The following RANBP10 variants were observed in gnomAD, a reference collection of about 807,000 sequenced individuals.
The protein encoded by RANBP10 is ran-binding protein 10.
In RANBP10, 24 loss-of-function variants were observed where a neutral mutation model predicts 72.8. That is an observed-to-expected ratio of 0.33 (90% CI 0.24 to 0.46). The LOEUF is 0.46. RANBP10 is among the 20% of genes least tolerant of loss of function. The pLI is 1.00. For synonymous variants in RANBP10, 310 were observed against 322.3 expected (o/e 0.96, Z 0.41); for missense variants, 679 against 817.5 (o/e 0.83, Z 2.07).
chr16:67,742,824 A>T (rs1039308611), intron 4 of RANBP10, among the ~76,000 whole-genome samples: 1 of 152,230 alleles, frequency 6.6e-6, no homozygotes. Context: ...AGCAGAACCC[A>T]GAGCCAAGAA....
At chr16:67,792,978 T>C (rs2055056596) in intron 2 of RANBP10, among the ~76,000 whole-genome samples, 1 of 151,890 alleles carries the variant, frequency 6.6e-6, no homozygotes, top group African/African-American at 2.4e-5. Flanking sequence ...AGGTTACACA[T>C]CCTTGGTTCT....
At chr16:67,757,017 C>T (rs2054298153) in intron 3 of RANBP10, among the ~76,000 whole-genome samples, 1 of 152,134 alleles carries the variant, frequency 6.6e-6, no homozygotes, top group Non-Finnish European at 1.5e-5. Context: ...CCACCCTGAC[C>T]AACATAGAGA....
At chr16:67,737,587 G>A (rs2053879221) in intron 5 of RANBP10, among the ~76,000 whole-genome samples, 1 of 152,032 alleles carries the variant, frequency 6.6e-6, no homozygotes, top group Non-Finnish European at 1.5e-5. Context: ...TAGCAGATGA[G>A]TTCCCCTAGG....
At chr16:67,783,901 G>A (rs367810094) in intron 2 of RANBP10, among the ~76,000 whole-genome samples, 36 of 151,980 alleles carry the variant, frequency 2.4e-4, no homozygotes, top group Non-Finnish European at 4.0e-4. Context: ...AAAATTAGCC[G>A]GGCGTGCTGA....
chr16:67,762,199 A>C (rs1367425013), intron 3 of RANBP10, among the ~76,000 whole-genome samples: 1 of 152,208 alleles, frequency 6.6e-6, no homozygotes, highest in Non-Finnish European at 1.5e-5. Flanking sequence ...CAGGAGTCTG[A>C]GGTTACAAGG....
At chr16:67,734,763 G>A (rs1020913679) in intron 6 of RANBP10, 95 bp downstream of exon 6, 57 of 1,266,552 alleles carry the variant, frequency 4.5e-5, no homozygotes, top group Non-Finnish European at 5.3e-5. Flanking sequence ...CCACCCGCTG[G>A]AATTTGTAAG....
intron 2 of RANBP10, among the ~76,000 whole-genome samples, chr16:67,786,547 T>G (rs189723260): frequency 1.2e-4 from 19 of 152,222 alleles, no homozygotes; most frequent in Admixed American, 4.6e-4. Context: ...AATAAGCACA[T>G]AACAAGATCC....
rs142178805 is a variant in RANBP10 at position 67,771,491 on chromosome 16, G to T, written c.400+543C>A. 2.0e-5 allele frequency among the ~76,000 whole-genome samples: 3 copies of T among 152,000 alleles called. No individual in the cohort carries two copies. The South Asian group carries it at 6.2e-4, about 32-fold the overall frequency. ...CTCCCAAGTAGCTGAGACTACAGGT[G>T]TGTGCCACCACACCCGACTAATTTT... On this transcript the variant is annotated intron_variant, in intron 3 of 13. Transcript: ENST00000317506.
At position 67,728,374 on chromosome 16, in the gene RANBP10, G is replaced by A. The variant is rs373133717; in HGVS notation, c.1474+16C>T. ...CACTGCCCTCAAAGAATAGCACACC[G>A]GGCCGTGGCTCTCACCCATGCTGGA... is the stretch of plus-strand genomic sequence containing the variant. On this transcript the variant is annotated intron_variant, in intron 11 of 13. Transcript: ENST00000317506. 21 of 1,612,394 alleles carry A rather than the reference G, an allele frequency of 1.3e-5. No individual in the cohort carries two copies. The highest frequency in any genetic ancestry group is 1.6e-4 in the Middle Eastern group (1 of 6,082).
At chr16:67,737,345 C>T (rs113929595) in intron 5 of RANBP10, among the ~76,000 whole-genome samples, 108 of 151,924 alleles carry the variant, frequency 7.1e-4, no homozygotes, top group Non-Finnish European at 1.0e-3. Flanking sequence ...GGACTACAGG[C>T]GCCTGCAACC....
chr16:67,803,045 G>A (rs544503028), intron 2 of RANBP10, among the ~76,000 whole-genome samples: 3 of 152,290 alleles, frequency 2.0e-5, no homozygotes, highest in East Asian at 3.9e-4. Flanking sequence ...GGCAGTATGA[G>A]ACTCCAGCAC....
intron 3 of RANBP10, among the ~76,000 whole-genome samples, chr16:67,755,221 C>T (rs1399862245): frequency 1.3e-5 from 2 of 152,166 alleles, no homozygotes; most frequent in African/African-American, 4.8e-5. Context: ...ACTGGACAAC[C>T]CTTTTCCCAC....
chr16:67,790,672 A>G (rs1230597974), intron 2 of RANBP10, among the ~76,000 whole-genome samples: 1 of 151,536 alleles, frequency 6.6e-6, no homozygotes, highest in African/African-American at 2.4e-5. Context: ...GTGAAGAAGG[A>G]CCCAACTGTT....
intron 2 of RANBP10, among the ~76,000 whole-genome samples, chr16:67,780,568 C>G (rs886949161): frequency 1.3e-5 from 2 of 152,074 alleles, no homozygotes; most frequent in African/African-American, 4.8e-5. Context: ...GACAACATAA[C>G]AAGACCACCT....
At chr16:67,797,154 T>C (rs1305640197) in intron 2 of RANBP10, among the ~76,000 whole-genome samples, 2 of 152,110 alleles carry the variant, frequency 1.3e-5, no homozygotes, top group Admixed American at 1.3e-4. Flanking sequence ...GGAATCTCCC[T>C]TACACCATGA....
chr16:67,756,789 A>G (rs1025898942), intron 3 of RANBP10, among the ~76,000 whole-genome samples: 1 of 152,132 alleles, frequency 6.6e-6, no homozygotes, highest in African/African-American at 2.4e-5. Context: ...TTCCCAACAA[A>G]TGGGTCCCAG....
Position 67,729,451 on chromosome 16 carries a change from G to A in RANBP10, c.1181C>T (p.Ala394Val), listed in dbSNP as rs1457362406. Residue 394 changes from alanine (A) to valine (V), a missense_variant, in exon 10 of 14, where the codon GCG becomes GTG. Transcript: ENST00000317506. The surrounding 1 kb of genome is among the most constrained non-coding windows in gnomAD (Gnocchi z 7.1). Reference protein sequence around the residue: ...ADSPSCSNGVASTKSKQNHSK... With the variant: ...ADSPSCSNGVVSTKSKQNHSK... ...GTGGTTCTGTTTGCTCTTGGTGGAC[G>A]CGACGCCATTGCTACAGCTGGGACT... 1.6e-5 allele frequency: 26 copies of A among 1,613,476 alleles called. No individual in the cohort carries two copies. Among genetic ancestry groups the A allele is most frequent in the Non-Finnish European group, 2.1e-5 (25 of 1,179,900 alleles).
In RANBP10 at chr16:67,725,480, TA is replaced by T. The variant is rs1396189077; in HGVS notation, c.*947del. The T allele has an allele frequency of 6.6e-6, 1 of 152,582 alleles. No individual in the cohort carries two copies. The highest frequency in any genetic ancestry group is 1.5e-5 in the Non-Finnish European group (1 of 68,036). 9.5% of individuals were successfully genotyped at this position (152,582 alleles called of 1,614,324 possible). A position where few individuals can be genotyped will look rare whatever the true frequency, so the allele number is the denominator to read the frequency against. On this transcript the variant is annotated 3_prime_UTR_variant, in exon 14 of 14. Transcript: ENST00000317506. ...GCAGGTAGTTTCCAGGCAATCAATTTAGAGTAAATGTATTATTTGGCCATCT... is the reference window on the plus strand; with the variant it reads ...GCAGGTAGTTTCCAGGCAATCAATTTGAGTAAATGTATTATTTGGCCATCT...
chr16:67,729,728 T>TGGGGGAGCC lies in RANBP10; in HGVS notation c.1090_1098dup (p.Gly364_Pro366dup). The TGGGGGAGCC allele has an allele frequency of 6.2e-7, 1 of 1,613,990 alleles. No homozygotes were observed. The highest frequency in any genetic ancestry group is 8.5e-7 in the Non-Finnish European group (1 of 1,179,974). ...CTGGGGCCATGTCGGGGACTGAGGC[T>TGGGGGAGCC]GGGGGAGCCAGGGTAGCTGTCCTGG... On this transcript the variant is annotated inframe_insertion, in exon 9 of 14. Transcript: ENST00000317506. This position sits in a 1 kb window ranked among gnomAD's most constrained non-coding sequence, Gnocchi z 7.1.
Sources: gnomAD v4.1 joint callset for allele counts (sites outside exome capture counted in the v4.1 genomes callset) on GRCh38, gnomAD v4.1.1 for gene constraint, Gnocchi (gnomAD v3.1) non-coding constraint, MANE v1.5 for transcripts, NCBI Gene and HGNC (gene_info 2026-07-23, HGNC 2026-07-21) for gene names.